Variants in SMG8 observed in about 807,000 individuals in gnomAD.
The protein encoded by SMG8 is nonsense-mediated mRNA decay factor SMG8.
SMG8 carries 49 observed loss-of-function variants against 82.1 expected under a neutral mutation model. That is an observed-to-expected ratio of 0.60 (90% CI 0.47 to 0.76). The LOEUF (loss-of-function observed/expected upper bound fraction) is 0.76. Among genes scored for constraint, SMG8 ranks in the 30% least tolerant of loss-of-function variants. The pLI, the probability that SMG8 is intolerant of heterozygous loss-of-function variation, is 0.00. For synonymous variants in SMG8, 404 were observed against 430.0 expected, an observed-to-expected ratio of 0.94 and a Z score of 0.75; for missense variants, 969 against 1,166.4, an observed-to-expected ratio of 0.83 and a Z score of 2.46.
chr17:59,213,504 C>T lies in SMG8; in HGVS notation c.2681C>T (p.Ser894Phe). The T allele has an allele frequency of 6.2e-7, 1 of 1,614,136 alleles. No individual in the cohort carries two copies. Among genetic ancestry groups the T allele is most frequent in the Non-Finnish European group, 8.5e-7 (1 of 1,180,018 alleles). ...GACATGCCCTTATATATTCTGTCAT[C>T]CTCTCAAGGTAGAGGGCTGAAACCT... ...NSDMPLYILSSSQGRGLKPHY... is the reference protein window; with the variant it reads ...NSDMPLYILSFSQGRGLKPHY... The change falls in exon 3 of 4, where the codon TCC becomes TTC. Residue 894 changes from serine to phenylalanine, a missense_variant. Physicochemically the swap from Ser to Phe is radical, Grantham distance 155. Around this residue, in one of 3 missense-constraint regions of SMG8, gnomAD observed 101 missense variants for 91.1 expected, o/e 1.11. Transcript: ENST00000300917.
intron 3 of SMG8, among the ~76,000 whole-genome samples, chr17:59,214,511 G>A (rs1250227282): frequency 1.3e-5 from 2 of 152,072 alleles, no homozygotes; most frequent in Admixed American, 6.6e-5. Flanking sequence ...CTGGGTTCAA[G>A]CTGTTCTCCT....
chr17:59,212,954 G>C lies in SMG8; in HGVS notation c.2131G>C (p.Ala711Pro). The change falls in exon 3 of 4, where the codon GCT (alanine) becomes CCT (proline). Residue 711 changes from alanine (A) to proline (P), a missense_variant. Transcript: ENST00000300917. ...QSTDSLGTYPADPQAGGDNPE... is the reference protein window; with the variant it reads ...QSTDSLGTYPPDPQAGGDNPE... ...CACAGATAGCTTAGGTACCTATCCAGCTGATCCACAAGCAGGAGGAGATAA... is the reference window on the plus strand; with the variant it reads ...CACAGATAGCTTAGGTACCTATCCACCTGATCCACAAGCAGGAGGAGATAA... The C allele has an allele frequency of 6.2e-7, 1 of 1,614,150 alleles. No homozygotes were observed. The highest frequency in any genetic ancestry group is 8.5e-7 in the Non-Finnish European group (1 of 1,180,040).
intron 1 of SMG8, 153 bp downstream of exon 1, chr17:59,211,963 A>G: frequency 1.7e-6 from 1 of 597,810 alleles, no homozygotes; most frequent in Non-Finnish European, 2.6e-6. Flanking sequence ...TCCTGCTGTA[A>G]AAGGAAAATA....
At chr17:59,212,528 T>C in intron 2 of SMG8, 42 bp downstream of exon 2, 1 of 1,576,940 alleles carries the variant, frequency 6.3e-7, no homozygotes, top group Non-Finnish European at 8.6e-7. Flanking sequence ...TGTCTTTTTT[T>C]GTTAAATATC....
Position 59,211,250 on chromosome 17 carries a change from G to A in SMG8, c.1199G>A (p.Ser400Asn). ...TTTCACATTGACAGCAGCAGTTCCA[G>A]TTCTTCAGGCCAGCTAGTGGATTTC... is the stretch of plus-strand genomic sequence containing the variant. ...LSFHIDSSSS[S>N]SSGQLVDFTL... The change falls in exon 1 of 4, where the codon AGT (serine) becomes AAT (asparagine). Residue 400 changes from serine to asparagine, a missense_variant. Physicochemically the swap from Ser to Asn is conservative, Grantham distance 46 (BLOSUM62 1). This residue lies in a region of SMG8 where 662 missense variants were observed against 884.8 expected (regional missense o/e 0.75). Coordinates refer to ENST00000300917, the MANE Select transcript of SMG8 (RefSeq NM_018149.7). 1.2e-6 allele frequency: 2 copies of A among 1,614,216 alleles called. No individual in the cohort carries two copies. The highest frequency in any genetic ancestry group is 1.7e-6 in the Non-Finnish European group (2 of 1,180,038).
At position 59,211,705 on chromosome 17, in the gene SMG8, C is replaced by T; in HGVS notation, c.1654C>T (p.His552Tyr). Reference sequence around the variant, plus strand: ...ATTTCACAAATACGCCATGCAGTTACATGAGGACTGCTACAAATTTTGGAG... The same window carrying T: ...ATTTCACAAATACGCCATGCAGTTATATGAGGACTGCTACAAATTTTGGAG... Reference protein sequence around the residue: ...PAFHKYAMQLHEDCYKFWSNG... With the variant: ...PAFHKYAMQLYEDCYKFWSNG... Residue 552 changes from histidine (H) to tyrosine (Y), a missense_variant, in exon 1 of 4, where the codon CAT (histidine) becomes TAT (tyrosine). Transcript: ENST00000300917. 6.2e-7 allele frequency: 1 copy of T among 1,614,024 alleles called. No individual in the cohort carries two copies. Among genetic ancestry groups the T allele is most frequent in the Non-Finnish European group, 8.5e-7 (1 of 1,179,982 alleles).
chr17:59,215,003 G>A lies in SMG8; in HGVS notation c.*1G>A, dbSNP rs372496724. On this transcript the variant is annotated 3_prime_UTR_variant, in exon 4 of 4. Coordinates refer to ENST00000300917, the MANE Select transcript of SMG8 (RefSeq NM_018149.7). Reference sequence around the variant, plus strand: ...GGTTCTTAAGGCAGTAACACAATAAGTGTTTTCCAGCCAGTTCAATCCTAT... The same window carrying A: ...GGTTCTTAAGGCAGTAACACAATAAATGTTTTCCAGCCAGTTCAATCCTAT... 3.4e-6 allele frequency: 3 copies of A among 872,494 alleles called. No homozygotes were observed. Among genetic ancestry groups the A allele is most frequent in the African/African-American group, 1.6e-5 (1 of 61,316 alleles). The allele number at this position is 872,494 out of a possible 1,614,324, so 54.0% of individuals were successfully genotyped here.
rs1366884333 is a variant in SMG8 at position 59,210,169 on chromosome 17, C to G, written c.118C>G (p.Pro40Ala). Residue 40 changes from proline to alanine, a missense_variant, in exon 1 of 4, where the codon CCT becomes GCT. This residue lies in a region of SMG8 where 206 missense variants were observed against 190.5 expected (regional missense o/e 1.08). Transcript: ENST00000300917. ...AGGGAGCGCGGCTGGCGGACCGGAG[C>G]CTCCATGGCGGGAGGATGAGATCTG... is the stretch of plus-strand genomic sequence containing the variant. ...GGGSAAGGPE[P>A]PWREDEICVV... 6.3e-7 allele frequency: 1 copy of G among 1,590,950 alleles called. No individual in the cohort carries two copies. The highest frequency in any genetic ancestry group is 1.1e-5 in the South Asian group (1 of 87,476).
chr17:59,211,188 C>A lies in SMG8; in HGVS notation c.1137C>A (p.Tyr379Ter), dbSNP rs1315631237. ...VPAPLSGPRR[Y>*]QVMRQHSRQQ... ...CACCCCTTTCTGGGCCTAGGCGATA[C>A]CAGGTGATGAGGCAGCACAGCCGAC... The change falls in exon 1 of 4, where the codon TAC becomes TAA. Residue 379 changes from tyrosine to a stop codon, truncating the protein, a stop_gained. Transcript: ENST00000300917. LOFTEE classifies it high-confidence loss of function. 1.9e-6 allele frequency: 3 copies of A among 1,614,100 alleles called. No individual in the cohort carries two copies. Among genetic ancestry groups the A allele is most frequent in the Non-Finnish European group, 2.5e-6 (3 of 1,180,046 alleles).
rs771382265 is a variant in SMG8 at position 59,211,687 on chromosome 17, A to C, written c.1636A>C (p.Lys546Gln). 19 of 1,614,122 alleles carry C rather than the reference A, an allele frequency of 1.2e-5. No individual in the cohort carries two copies. In the South Asian group the frequency reaches 1.9e-4, roughly 16 times the overall value. ...SQHARGPAFHKYAMQLHEDCY... is the reference protein window; with the variant it reads ...SQHARGPAFHQYAMQLHEDCY... ...ACATGCTAGAGGTCCAGCATTTCAC[A>C]AATACGCCATGCAGTTACATGAGGA... The change falls in exon 1 of 4, where the codon AAA (lysine) becomes CAA (glutamine). Residue 546 changes from lysine to glutamine, a missense_variant. Physicochemically the swap from Lys to Gln is moderately conservative, Grantham distance 53. Transcript: ENST00000300917.
In SMG8 at chr17:59,210,441, A is replaced by G. The variant is rs779085120; in HGVS notation, c.390A>G (p.Ala130=). 1.2e-6 allele frequency: 2 copies of G among 1,609,268 alleles called. No individual in the cohort carries two copies. Among genetic ancestry groups the G allele is most frequent in the Non-Finnish European group, 1.7e-6 (2 of 1,178,042 alleles). Residue 130 remains alanine, a synonymous_variant, in exon 1 of 4, where the codon GCA becomes GCG. Coordinates refer to ENST00000300917, the MANE Select transcript of SMG8 (RefSeq NM_018149.7). ...GAVAEGNRTE[A]GSQDYSLLQA... Reference sequence around the variant, plus strand: ...TCGCGGAAGGTAACCGAACTGAGGCAGGCTCCCAGGACTACAGCCTTCTGC... The same window carrying G: ...TCGCGGAAGGTAACCGAACTGAGGCGGGCTCCCAGGACTACAGCCTTCTGC...
chr17:59,214,080 C>G (rs1007312999), intron 3 of SMG8, among the ~76,000 whole-genome samples: 1 of 152,026 alleles, frequency 6.6e-6, no homozygotes, highest in African/African-American at 2.4e-5. Context: ...GTCAGGAGTT[C>G]GAGACAAGCC....
chr17:59,213,525 A>T lies in SMG8; in HGVS notation c.2702A>T (p.Lys901Ile), dbSNP rs746189755. ...ILSSSQGRGLKPHYAQLMRLF... is the reference protein window; with the variant it reads ...ILSSSQGRGLIPHYAQLMRLF... The stretch of plus-strand genomic sequence containing the variant: ...TCATCCTCTCAAGGTAGAGGGCTGA[A>T]ACCTCATTATGCTCAACTTATGAGG... The change falls in exon 3 of 4, where the codon AAA becomes ATA. Residue 901 changes from lysine to isoleucine, a missense_variant. Coordinates refer to ENST00000300917, the MANE Select transcript of SMG8 (RefSeq NM_018149.7). 1 of 1,614,186 alleles carries T rather than the reference A, an allele frequency of 6.2e-7. No individual in the cohort carries two copies. The highest frequency in any genetic ancestry group is 1.1e-5 in the South Asian group (1 of 91,080).
At chr17:59,214,516 TCTC>T (rs1175418614) in intron 3 of SMG8, among the ~76,000 whole-genome samples, 1 of 152,056 alleles carries the variant, frequency 6.6e-6, no homozygotes, top group African/African-American at 2.4e-5. Flanking sequence ...TTCAAGCTGT[TCTC>T]CTGCCCCAGC....
At chr17:59,214,076 A>C (rs951983946) in intron 3 of SMG8, among the ~76,000 whole-genome samples, 30 of 152,102 alleles carry the variant, frequency 2.0e-4, no homozygotes, top group African/African-American at 7.2e-4. Flanking sequence ...TGAAGTCAGG[A>C]GTTCGAGACA....
chr17:59,210,346 G>A lies in SMG8; in HGVS notation c.295G>A (p.Val99Met). ...TGGAATCAGAACTGAGGCTGGCGCC[G>A]TGGGTGAGGCCGGTGGAGCCGAGGA... The part of the protein sequence containing the change: ...GPGIRTEAGA[V>M]GEAGGAEDPG... The change falls in exon 1 of 4, where the codon GTG becomes ATG. Residue 99 changes from valine (V) to methionine (M), a missense_variant. Around this residue, in one of 3 missense-constraint regions of SMG8, gnomAD observed 206 missense variants for 190.5 expected, o/e 1.08. Transcript: ENST00000300917. 1 of 1,612,100 alleles carries A rather than the reference G, an allele frequency of 6.2e-7. No homozygotes were observed. The highest frequency in any genetic ancestry group is 8.5e-7 in the Non-Finnish European group (1 of 1,179,320).
Position 59,210,042 on chromosome 17 carries a change from G to A in SMG8, c.-10G>A, listed in dbSNP as rs1408854263. 2 of 1,528,260 alleles carry A rather than the reference G, an allele frequency of 1.3e-6. No individual in the cohort carries two copies. The highest frequency in any genetic ancestry group is 2.2e-5 in the Admixed American group (1 of 44,772). The allele number at this position is 1,528,260 out of a possible 1,614,324, so 94.7% of individuals were successfully genotyped here. A position where few individuals can be genotyped will look rare whatever the true frequency, so the allele number is the denominator to read the frequency against. Reference sequence around the variant, plus strand: ...ACGGACCGGAAGGACTCTAGAGAACGCTCTGCACTATGGCTGGTCCCGTGA... The same window carrying A: ...ACGGACCGGAAGGACTCTAGAGAACACTCTGCACTATGGCTGGTCCCGTGA... On this transcript the variant is annotated 5_prime_UTR_variant, in exon 1 of 4. Transcript: ENST00000300917.
Position 59,211,676 on chromosome 17 carries a change from C to T in SMG8, c.1625C>T (p.Pro542Leu). Residue 542 changes from proline to leucine, a missense_variant, in exon 1 of 4, where the codon CCA becomes CTA. Pro to Leu is a moderately conservative substitution (Grantham distance 98). Coordinates refer to ENST00000300917, the MANE Select transcript of SMG8 (RefSeq NM_018149.7). ...GTGTACAGTCAACATGCTAGAGGTC[C>T]AGCATTTCACAAATACGCCATGCAG... is the stretch of plus-strand genomic sequence containing the variant. ...LRVYSQHARG[P>L]AFHKYAMQLH... 1 of 1,614,066 alleles carries T rather than the reference C, an allele frequency of 6.2e-7. No individual in the cohort carries two copies. Among genetic ancestry groups the T allele is most frequent in the Non-Finnish European group, 8.5e-7 (1 of 1,180,018 alleles).
In SMG8 at chr17:59,210,387, C is replaced by T. The variant is rs746412370; in HGVS notation, c.336C>T (p.Ala112=). Reference sequence around the variant, plus strand: ...GAGCCGAGGACCCTGGGGCTGCAGCCGGGGGTTCAGTTCGGGGAAGTGGAG... The same window carrying T: ...GAGCCGAGGACCCTGGGGCTGCAGCTGGGGGTTCAGTTCGGGGAAGTGGAG... The part of the protein sequence containing the change: ...AGGAEDPGAA[A]GGSVRGSGAV... Residue 112 remains alanine (A), a synonymous_variant, in exon 1 of 4, where the codon GCC becomes GCT. Coordinates refer to ENST00000300917, the MANE Select transcript of SMG8 (RefSeq NM_018149.7). 11 of 1,610,240 alleles carry T rather than the reference C, an allele frequency of 6.8e-6. No individual in the cohort carries two copies. Among genetic ancestry groups the T allele is most frequent in the Admixed American group, 1.7e-5 (1 of 59,088 alleles).
Sources: allele counts gnomAD v4.1 joint callset (sites outside exome capture counted in the v4.1 genomes callset), GRCh38; gene constraint gnomAD v4.1.1; regional missense constraint gnomAD v4.1.1; transcripts MANE v1.5; gene names NCBI Gene and HGNC (gene_info 2026-07-23, HGNC 2026-07-21).